PAPOLG: variants seen among roughly 807,000 people sequenced by gnomAD.
PAPOLG encodes the protein PAP-gamma.
Under a neutral mutation model 99.0 loss-of-function variants are expected in PAPOLG, and 40 were observed. The ratio of observed to expected loss-of-function variants is 0.40; its 90% CI spans 0.31 to 0.53. The LOEUF is 0.53. Among genes scored for constraint, PAPOLG ranks in the 20% least tolerant of loss-of-function variants. The pLI is 0.41. For missense variants in PAPOLG, 675 were observed against 884.1 expected (o/e 0.76, Z 3.00); for synonymous variants, 310 against 299.3 (o/e 1.04, Z -0.37).
chr2:60,784,820 A>G (rs1388332223), intron 13 of PAPOLG, among the ~76,000 whole-genome samples: 2 of 152,366 alleles, frequency 1.3e-5, no homozygotes, highest in East Asian at 1.9e-4. Flanking sequence ...CAAAGACTGT[A>G]TGGCCCAGAA....
At chr2:60,773,645 G>A (rs963512470) in intron 7 of PAPOLG, among the ~76,000 whole-genome samples, 6 of 150,894 alleles carry the variant, frequency 4.0e-5, no homozygotes, top group Non-Finnish European at 7.4e-5. Flanking sequence ...GAAAATATTG[G>A]TTCACAAAAT....
chr2:60,770,502 T>A lies in PAPOLG; in HGVS notation c.483T>A (p.Asp161Glu). The A allele has an allele frequency of 1.9e-6, 3 of 1,581,264 alleles. No homozygotes were observed. The highest frequency in any genetic ancestry group is 2.6e-6 in the Non-Finnish European group (3 of 1,157,026). Reference sequence around the variant, plus strand: ...TACCTGTTATAAAATTTGAATTTGATGGTATTGAAGTAAGTGTTTAATATT... The same window carrying A: ...TACCTGTTATAAAATTTGAATTTGAAGGTATTGAAGTAAGTGTTTAATATT... ...AFVPVIKFEF[D>E]GIEIDLVFAR... is the part of the protein sequence containing the mutation. Residue 161 changes from aspartate (D) to glutamate (E), a missense_variant, in exon 6 of 22, where the codon GAT becomes GAA. Physicochemically the swap from Asp to Glu is conservative, Grantham distance 45 (BLOSUM62 2). This residue lies in a region of PAPOLG where 149 missense variants were observed against 192.1 expected (regional missense o/e 0.78). Transcript: ENST00000238714.
Position 60,756,356 on chromosome 2 carries a change from G to T in PAPOLG, c.-123G>T. 8.0e-7 allele frequency: 1 copy of T among 1,244,530 alleles called. No homozygotes were observed. 77.1% of individuals were successfully genotyped at this position (1,244,530 alleles called of 1,614,324 possible). On this transcript the variant is annotated 5_prime_UTR_variant, in exon 1 of 22. Coordinates refer to ENST00000238714, the MANE Select transcript of PAPOLG (RefSeq NM_022894.4). ...GTTGGATGCCTCAGCCATAGTAAGTGGGAAAGTGAGCGAGCAAGCGAGCTA... is the reference window on the plus strand; with the variant it reads ...GTTGGATGCCTCAGCCATAGTAAGTTGGAAAGTGAGCGAGCAAGCGAGCTA...
intron 7 of PAPOLG, 36 bp from the exon 8 acceptor site, chr2:60,774,997 GC>G (rs1670974015): frequency 6.2e-7 from 1 of 1,610,196 alleles, no homozygotes; most frequent in Admixed American, 1.7e-5. Context: ...CTGAGAATTT[GC>G]TGCATAGTGA....
chr2:60,758,415 T>C (rs1415640665), intron 1 of PAPOLG, among the ~76,000 whole-genome samples: 1 of 135,884 alleles, frequency 7.4e-6, no homozygotes, highest in African/African-American at 2.7e-5. Context: ...CCTCTCTGCC[T>C]AATGAGATTT....
intron 7 of PAPOLG, among the ~76,000 whole-genome samples, chr2:60,772,173 G>A (rs1670872876): frequency 6.6e-6 from 1 of 152,112 alleles, no homozygotes; most frequent in African/African-American, 2.4e-5. Context: ...GCCGGGCGTG[G>A]TGGCCCACGC....
chr2:60,773,221 G>A (rs1403690267), intron 7 of PAPOLG, among the ~76,000 whole-genome samples: 2 of 152,122 alleles, frequency 1.3e-5, no homozygotes, highest in Non-Finnish European at 2.9e-5. Flanking sequence ...CACCGTGCCC[G>A]GACTTCACTG....
chr2:60,781,915 C>T lies in PAPOLG; in HGVS notation c.937C>T (p.Pro313Ser). Residue 313 changes from proline to serine, a missense_variant, in exon 11 of 22, where the codon CCC (proline) becomes TCC (serine). Coordinates refer to ENST00000238714, the MANE Select transcript of PAPOLG (RefSeq NM_022894.4). ...VNPSDRYHLM[P>S]IITPAYPQQN... is the part of the protein sequence containing the mutation. ...TCCATCAGATAGGTATCATCTCATG[C>T]CCATAATCACCCCTGCCTACCCACA... is the stretch of plus-strand genomic sequence containing the variant. 1 of 1,613,540 alleles carries T rather than the reference C, an allele frequency of 6.2e-7. No homozygotes were observed. Among genetic ancestry groups the T allele is most frequent in the East Asian group, 2.2e-5 (1 of 44,856 alleles).
At chr2:60,761,873 G>A in intron 3 of PAPOLG, 66 bp downstream of exon 3, 1 of 1,138,422 alleles carries the variant, frequency 8.8e-7, no homozygotes, top group Non-Finnish European at 1.3e-6. Context: ...CTGGCAATAA[G>A]ATGCAGGTGT....
intron 15 of PAPOLG, among the ~76,000 whole-genome samples, chr2:60,789,363 TA>T (rs910865078): frequency 6.7e-6 from 1 of 150,122 alleles, no homozygotes; most frequent in Non-Finnish European, 1.5e-5. Flanking sequence ...AATAAATAAA[TA>T]AAAAATAAAA....
At chr2:60,775,424 G>A (rs552608481) in intron 8 of PAPOLG, among the ~76,000 whole-genome samples, 86 of 152,310 alleles carry the variant, frequency 5.6e-4, no homozygotes, top group Non-Finnish European at 7.9e-4. Context: ...ACCATCTTAC[G>A]TATCTTTGTA....
At chr2:60,793,205 TAAA>T (rs779034834) in intron 17 of PAPOLG, among the ~76,000 whole-genome samples, 8 of 45,550 alleles carry the variant, frequency 1.8e-4, no homozygotes, top group South Asian at 8.2e-4. Context: ...ATACCATGTC[TAAA>T]AAAAAAAAAA....
chr2:60,788,055 GAAAAA>G lies in PAPOLG; in HGVS notation c.1396+441_1396+445del, dbSNP rs922658590. On this transcript the variant is annotated intron_variant, in intron 15 of 21. Coordinates refer to ENST00000238714, the MANE Select transcript of PAPOLG (RefSeq NM_022894.4). ...AGACTGTCTCAAAAAAAGAAAAAAAGAAAAAAAAAAGCATTATGAAGCAATTTCCA... is the reference window on the plus strand; with the variant it reads ...AGACTGTCTCAAAAAAAGAAAAAAAGAAAAAGCATTATGAAGCAATTTCCA... Among the ~76,000 whole-genome samples, 3 of 144,958 alleles carry G rather than the reference GAAAAA, an allele frequency of 2.1e-5. No individual in the cohort carries two copies. The South Asian group carries it at 6.6e-4, about 32-fold the overall frequency.
At chr2:60,762,417 C>T (rs1318930650) in intron 3 of PAPOLG, among the ~76,000 whole-genome samples, 5 of 151,904 alleles carry the variant, frequency 3.3e-5, no homozygotes, top group South Asian at 4.1e-4. Flanking sequence ...TGGTATCCTC[C>T]GGGGGATTGG....
In PAPOLG at chr2:60,794,207, T is replaced by C. The variant is rs760781025; in HGVS notation, c.1989+16T>C. On this transcript the variant is annotated intron_variant, in intron 19 of 21. Transcript: ENST00000238714. ...CGTAGAAAAGGTAAAGTTACAACTT[T>C]AGTGGTAATTCAGTAGTTGATATTT... is the stretch of plus-strand genomic sequence containing the variant. 6 of 1,604,894 alleles carry C rather than the reference T, an allele frequency of 3.7e-6. No homozygotes were observed. The highest frequency in any genetic ancestry group is 1.1e-5 in the South Asian group (1 of 90,476).
intron 9 of PAPOLG, 128 bp downstream of exon 9, chr2:60,779,903 A>T: frequency 1.2e-6 from 1 of 833,038 alleles, no homozygotes; most frequent in Non-Finnish European, 1.8e-6. Context: ...TTGAAAGTAT[A>T]AAACATCAAC....
chr2:60,761,024 T>C (rs887395932), intron 2 of PAPOLG, among the ~76,000 whole-genome samples: 1 of 152,092 alleles, frequency 6.6e-6, no homozygotes, highest in South Asian at 2.1e-4. Context: ...TAATAAAAAG[T>C]AGAAATCTGG....
At chr2:60,785,192 G>A (rs189551235) in intron 13 of PAPOLG, among the ~76,000 whole-genome samples, 8 of 151,802 alleles carry the variant, frequency 5.3e-5, no homozygotes, top group Admixed American at 3.9e-4. Flanking sequence ...AGACTGGAGT[G>A]TAGTGGTGCG....
rs1490233568 is a variant in PAPOLG at position 60,798,513 on chromosome 2, G to C, written c.*1353G>C. ...AATTTTTTAAATATGGATTATGCTT[G>C]AATTACTATATTTAAAATGAAAATG... On this transcript the variant is annotated 3_prime_UTR_variant, in exon 22 of 22. Coordinates refer to ENST00000238714, the MANE Select transcript of PAPOLG (RefSeq NM_022894.4). 6.6e-6 allele frequency: 1 copy of C among 152,622 alleles called. No homozygotes were observed. The highest frequency in any genetic ancestry group is 1.5e-5 in the Non-Finnish European group (1 of 68,030). 9.5% of individuals were successfully genotyped at this position (152,622 alleles called of 1,614,324 possible).
Sources: allele counts gnomAD v4.1 joint callset (sites outside exome capture counted in the v4.1 genomes callset), GRCh38; gene constraint gnomAD v4.1.1; regional missense constraint gnomAD v4.1.1; transcripts MANE v1.5; gene names NCBI Gene and HGNC (gene_info 2026-07-23, HGNC 2026-07-21).